EZH2: variants seen among roughly 807,000 people sequenced by gnomAD.
The protein encoded by EZH2 is histone-lysine N-methyltransferase EZH2.
EZH2 carries 18 observed loss-of-function variants against 98.4 expected under a neutral mutation model. That is an observed-to-expected ratio of 0.18 (90% CI 0.13 to 0.27). The LOEUF is 0.27. Ranked by LOEUF, EZH2 falls within the 10% of genes least tolerant of loss-of-function variation. The pLI is 1.00. For synonymous variants in EZH2, 338 were observed against 312.3 expected (o/e 1.08, Z -0.87); for missense variants, 470 against 935.1 (o/e 0.50, Z 6.49).
intron 1 of EZH2, among the ~76,000 whole-genome samples, chr7:148,872,911 A>C (rs1361628740): frequency 6.6e-6 from 1 of 152,162 alleles, no homozygotes; most frequent in East Asian, 1.9e-4. Context: ...AATGCAGCTG[A>C]GGGATAAAGA....
chr7:148,852,799 A>G (rs745650104), intron 1 of EZH2, among the ~76,000 whole-genome samples: 1 of 152,144 alleles, frequency 6.6e-6, no homozygotes, highest in Non-Finnish European at 1.5e-5. Context: ...AGAAATTCCC[A>G]TCTTTTTTTT....
intron 1 of EZH2, among the ~76,000 whole-genome samples, chr7:148,864,325 T>C (rs1371423191): frequency 6.6e-6 from 1 of 152,224 alleles, no homozygotes; most frequent in Non-Finnish European, 1.5e-5. Context: ...CTATTTTAAG[T>C]GTTTTAAAGA....
chr7:148,813,958 C>T lies in EZH2; in HGVS notation c.1851+1G>A, dbSNP rs1803877695. On this transcript the variant is annotated splice_donor_variant, in intron 15 of 19. Transcript: ENST00000320356. LOFTEE classifies it high-confidence loss of function. ...TCTTCCAGAAGTGACTTGTTGCTCA[C>T]CTTTTTGGAGCCCCGCTGAATACTG... The T allele has an allele frequency of 6.2e-7, 1 of 1,611,110 alleles. No homozygotes were observed. The highest frequency in any genetic ancestry group is 8.5e-7 in the Non-Finnish European group (1 of 1,178,626).
chr7:148,837,350 G>A (rs781147194), intron 3 of EZH2, among the ~76,000 whole-genome samples: 1 of 152,156 alleles, frequency 6.6e-6, no homozygotes, highest in Non-Finnish European at 1.5e-5. Flanking sequence ...TGACAACAGC[G>A]AGGAAGGTGC....
intron 4 of EZH2, 88 bp from the exon 5 acceptor site, chr7:148,829,936 CAT>C (rs1473933766): frequency 5.2e-6 from 5 of 962,998 alleles, no homozygotes; most frequent in African/African-American, 3.4e-5. Context: ...TTCATGTGTA[CAT>C]GTCTTTACCC....
intron 1 of EZH2, among the ~76,000 whole-genome samples, chr7:148,864,324 G>A (rs533019713): frequency 1.8e-4 from 27 of 152,296 alleles, no homozygotes; most frequent in Admixed American, 2.6e-4. Context: ...ACTATTTTAA[G>A]TGTTTTAAAG....
chr7:148,825,768 A>T (rs1276857711), intron 8 of EZH2, among the ~76,000 whole-genome samples: 1 of 152,220 alleles, frequency 6.6e-6, no homozygotes, highest in Non-Finnish European at 1.5e-5. Flanking sequence ...ACCAAACTAT[A>T]ATAAGCAAAC....
At chr7:148,817,449 A>G in intron 10 of EZH2, 58 bp from the exon 11 acceptor site, 1 of 1,552,412 alleles carries the variant, frequency 6.4e-7, no homozygotes, top group Non-Finnish European at 8.8e-7. Context: ...ATTAAGAAGT[A>G]CAATTCAGGG....
chr7:148,824,397 T>C (rs1487190606), intron 8 of EZH2, among the ~76,000 whole-genome samples: 3 of 151,988 alleles, frequency 2.0e-5, no homozygotes, highest in African/African-American at 2.4e-5. Context: ...GGACCGCATA[T>C]ACAACAGTGG....
At chr7:148,853,840 T>C (rs1423807806) in intron 1 of EZH2, among the ~76,000 whole-genome samples, 2 of 152,206 alleles carry the variant, frequency 1.3e-5, no homozygotes, top group African/African-American at 4.8e-5. Flanking sequence ...TCTGAATTAA[T>C]GGAAGATGGG....
chr7:148,861,223 T>C (rs922535574), intron 1 of EZH2, among the ~76,000 whole-genome samples: 2 of 137,660 alleles, frequency 1.5e-5, no homozygotes, highest in Non-Finnish European at 3.1e-5. Flanking sequence ...CTGTATTATT[T>C]GTATCTTTTT....
At chr7:148,807,813 TTAAAAAA>T (rs1563182307) in intron 19 of EZH2, 107 bp from the exon 20 acceptor site, 2 of 438,892 alleles carry the variant, frequency 4.6e-6, no homozygotes, top group African/African-American at 4.6e-5. Flanking sequence ...TAAAATGTCT[TTAAAAAA>T]AAAAAAAAAA....
chr7:148,883,894 A>C (rs1821408307), intron 1 of EZH2, among the ~76,000 whole-genome samples: 1 of 148,838 alleles, frequency 6.7e-6, no homozygotes, highest in South Asian at 2.2e-4. Context: ...AGCCCCCCAC[A>C]CGCCCCCCGC....
At chr7:148,827,065 T>C (rs1444302357) in intron 7 of EZH2, 99 bp downstream of exon 7, 3 of 834,214 alleles carry the variant, frequency 3.6e-6, no homozygotes, top group Non-Finnish European at 5.8e-6. Context: ...AAACAAAGTG[T>C]AGTGGCTCAT....
At chr7:148,811,538 C>A in intron 16 of EZH2, 87 bp downstream of exon 16, 2 of 1,061,586 alleles carry the variant, frequency 1.9e-6, no homozygotes, top group South Asian at 3.0e-5. Context: ...CCAATCAAAC[C>A]CACAGACTTA....
In EZH2 at chr7:148,817,365, T is replaced by C. The variant is rs1315928462; in HGVS notation, c.1267A>G (p.Ile423Val). The change falls in exon 11 of 20, where the codon ATA (isoleucine) becomes GTA (valine). Residue 423 changes from isoleucine to valine, a missense_variant. Around this residue, in one of 6 missense-constraint regions of EZH2, gnomAD observed 192 missense variants for 306.8 expected, o/e 0.63. Transcript: ENST00000320356. ...SEANSRCQTP[I>V]KMKPNIEPPE... ...GGTTCAATATTTGGCTTCATCTTTA[T>C]TGGTGTTTGACACCGAGAATTTGCT... 13 of 1,613,702 alleles carry C rather than the reference T, an allele frequency of 8.1e-6. No homozygotes were observed. Among genetic ancestry groups the C allele is most frequent in the Middle Eastern group, 1.6e-4 (1 of 6,062 alleles).
intron 9 of EZH2, chr7:148,819,075 G>C (rs1337627713): frequency 2.2e-6 from 1 of 456,342 alleles, no homozygotes; most frequent in East Asian, 7.0e-5. Flanking sequence ...TTCAAAGAGG[G>C]GAAATGGTAA....
Position 148,838,622 on chromosome 7 carries a change from G to A in EZH2, c.247-5872C>T, listed in dbSNP as rs1811525552. 2.0e-5 allele frequency among the ~76,000 whole-genome samples: 3 copies of A among 152,220 alleles called. No homozygotes were observed. The South Asian group carries it at 6.2e-4, about 32-fold the overall frequency. ...AAAAAAGAACAATTTCTGTCATTGG[G>A]GGAAAAATCAACTAAAATGGAACAG... On this transcript the variant is annotated intron_variant, in intron 3 of 19. Transcript: ENST00000320356.
chr7:148,862,690 A>T (rs2129488512), intron 1 of EZH2, among the ~76,000 whole-genome samples: 1 of 152,360 alleles, frequency 6.6e-6, no homozygotes, highest in East Asian at 1.9e-4. Flanking sequence ...AATATGCAGC[A>T]GAAGCACTTT....
Sources: gnomAD v4.1 joint callset for allele counts (sites outside exome capture counted in the v4.1 genomes callset) on GRCh38, gnomAD v4.1.1 for gene constraint, gnomAD v4.1.1 regional missense constraint, MANE v1.5 for transcripts, NCBI Gene and HGNC (gene_info 2026-07-23, HGNC 2026-07-21) for gene names.